UBR1: variants seen among roughly 807,000 people sequenced by gnomAD.
The protein encoded by UBR1 is ubiquitin protein ligase E3 component n-recognin 1, also known as E3 ubiquitin-protein ligase UBR1.
In UBR1, 102 loss-of-function variants were observed where a neutral mutation model predicts 242.1. The ratio of observed to expected loss-of-function variants is 0.42; its 90% CI spans 0.36 to 0.50. UBR1 has a LOEUF of 0.50. Among genes scored for constraint, UBR1 ranks in the 20% least tolerant of loss-of-function variants. UBR1 has a pLI of 0.01. For missense variants in UBR1, 1,772 were observed against 2,101.8 expected (o/e 0.84, Z 3.07); for synonymous variants, 675 against 684.8 (o/e 0.99, Z 0.22).
intron 30 of UBR1, among the ~76,000 whole-genome samples, chr15:43,006,670 G>T (rs2032835772): frequency 6.6e-6 from 1 of 152,190 alleles, no homozygotes; most frequent in Non-Finnish European, 1.5e-5. Context: ...CCAAGAAAAT[G>T]TTTAACATGA....
chr15:43,015,811 T>C lies in UBR1; in HGVS notation c.3086A>G (p.His1029Arg). Residue 1029 changes from histidine (H) to arginine (R), a missense_variant, in exon 29 of 47, where the codon CAT becomes CGT. Physicochemically the swap from His to Arg is conservative, Grantham distance 29 (BLOSUM62 0). Transcript: ENST00000290650. ...CATCTGAGCCATGATCTTCTGGCGA[T>C]GTAGCCTAGCAGCTTCAGCTTTTCT... The part of the protein sequence containing the change: ...RKRKAEAARL[H>R]RQKIMAQMSA... 4 of 1,614,242 alleles carry C rather than the reference T, an allele frequency of 2.5e-6. No homozygotes were observed. The highest frequency in any genetic ancestry group is 3.4e-6 in the Non-Finnish European group (4 of 1,180,042).
intron 14 of UBR1, among the ~76,000 whole-genome samples, chr15:43,044,136 A>G (rs1263259682): frequency 6.6e-6 from 1 of 152,248 alleles, no homozygotes; most frequent in Non-Finnish European, 1.5e-5. Context: ...AGATAAAATG[A>G]AAGAATTTAC....
chr15:42,960,756 A>C (rs1319145666), intron 42 of UBR1, 55 bp from the exon 43 acceptor site: 2 of 1,546,712 alleles, frequency 1.3e-6, no homozygotes, highest in Non-Finnish European at 1.8e-6. Flanking sequence ...TCAATGCATG[A>C]TTTGTCAACA....
In UBR1 at chr15:42,976,630, A is replaced by T. The variant is rs529392058; in HGVS notation, c.4369+87T>A. 201 of 1,489,036 alleles carry T rather than the reference A, an allele frequency of 1.3e-4. No individual in the cohort carries two copies. In the East Asian group the frequency reaches 3.9e-3, roughly 29 times the overall value. The allele number at this position is 1,489,036 out of a possible 1,614,324, so 92.2% of individuals were successfully genotyped here. On this transcript the variant is annotated intron_variant, in intron 39 of 46. Transcript: ENST00000290650. ...AAAACATAACACAGAACCTAGAAAT[A>T]CATTATATAATCACAAGAATAATTA...
chr15:43,014,281 T>C (rs888741139), intron 29 of UBR1, among the ~76,000 whole-genome samples: 12 of 152,246 alleles, frequency 7.9e-5, no homozygotes, highest in Non-Finnish European at 1.5e-4. Context: ...GTGCCGAGAT[T>C]GCAGCCTCTG....
At chr15:42,950,222 A>G in intron 46 of UBR1, 40 bp downstream of exon 46, 1 of 1,484,526 alleles carries the variant, frequency 6.7e-7, no homozygotes, top group Non-Finnish European at 9.4e-7. Context: ...CATAAAAGAG[A>G]ACTTACTGAA....
At chr15:42,967,219 GTTTTTTTTTTTTT>G (rs55879443) in intron 40 of UBR1, among the ~76,000 whole-genome samples, 9 of 113,216 alleles carry the variant, frequency 7.9e-5, no homozygotes, top group Non-Finnish European at 1.6e-4. Context: ...TGCTCAACTA[GTTTTTTTTTTTTT>G]TTTTTTTTTA....
chr15:43,035,243 A>G (rs191974910), intron 19 of UBR1, among the ~76,000 whole-genome samples: 74 of 149,636 alleles, frequency 4.9e-4, no homozygotes, highest in African/African-American at 1.6e-3. Flanking sequence ...TAAAACTTTA[A>G]AAGTGATCAT....
At chr15:43,090,973 CTT>C (rs2034098899) in intron 1 of UBR1, among the ~76,000 whole-genome samples, 1 of 151,966 alleles carries the variant, frequency 6.6e-6, no homozygotes, top group Admixed American at 6.6e-5. Context: ...GAGTTTTGCT[CTT>C]CTTGCCCAGG....
At chr15:43,093,112 C>G (rs777579383) in intron 1 of UBR1, among the ~76,000 whole-genome samples, 10 of 152,150 alleles carry the variant, frequency 6.6e-5, no homozygotes, top group Admixed American at 1.3e-4. Context: ...AAGTTCTTAA[C>G]AAGTTCTCAA....
Position 43,007,086 on chromosome 15 carries a change from G to A in UBR1, c.3408C>T (p.Leu1136=). ...LTQHRGKPIE[L]SGEALDPLFM... is the part of the protein sequence containing the mutation. ...TTATTAAATAATACATACCTCCTGA[G>A]AGTTCTATGGGTTTTCCCCTGTGCT... The change falls in exon 30 of 47, where the codon CTC becomes CTT. Residue 1136 remains leucine (L), a synonymous_variant. Transcript: ENST00000290650. 6.2e-7 allele frequency: 1 copy of A among 1,614,024 alleles called. No homozygotes were observed. Among genetic ancestry groups the A allele is most frequent in the Non-Finnish European group, 8.5e-7 (1 of 1,179,958 alleles).
chr15:42,980,324 A>G (rs112131867), intron 37 of UBR1, among the ~76,000 whole-genome samples: 1 of 152,196 alleles, frequency 6.6e-6, no homozygotes, highest in African/African-American at 2.4e-5. Context: ...CCAACCCTTT[A>G]TGCACAATTA....
At chr15:42,988,691 C>T (rs756658689) in intron 35 of UBR1, 128 bp downstream of exon 35, 66 of 1,298,134 alleles carry the variant, frequency 5.1e-5, no homozygotes, top group Admixed American at 8.5e-5. Context: ...CACTAATACA[C>T]TGAAATACTA....
chr15:42,967,413 C>CTT (rs745399720), intron 40 of UBR1, among the ~76,000 whole-genome samples: 1 of 136,046 alleles, frequency 7.4e-6, no homozygotes, highest in Non-Finnish European at 1.6e-5. Context: ...CTAAAGCTTC[C>CTT]TTTTTTTTTT....
At position 43,054,844 on chromosome 15, in the gene UBR1, A is replaced by C. The variant is rs925511677; in HGVS notation, c.1337T>G (p.Leu446Arg). The C allele has an allele frequency of 5.0e-6, 8 of 1,614,068 alleles. No homozygotes were observed. Among genetic ancestry groups the C allele is most frequent in the Non-Finnish European group, 6.8e-6 (8 of 1,180,028 alleles). ...NVISVITETL[L>R]EVLPEYLDRN... is the part of the protein sequence containing the mutation. Reference sequence around the variant, plus strand: ...GTCCAAGTACTCAGGTAAAACTTCTAGCAGAGTTTCAGTAATGACAGAGAT... The same window carrying C: ...GTCCAAGTACTCAGGTAAAACTTCTCGCAGAGTTTCAGTAATGACAGAGAT... The change falls in exon 12 of 47, where the codon CTA (leucine) becomes CGA (arginine). Residue 446 changes from leucine (L) to arginine (R), a missense_variant. Coordinates refer to ENST00000290650, the MANE Select transcript of UBR1 (RefSeq NM_174916.3).
intron 1 of UBR1, among the ~76,000 whole-genome samples, chr15:43,099,332 C>A (rs201535285): frequency 1.5e-4 from 23 of 150,500 alleles, no homozygotes; most frequent in East Asian, 1.4e-3. Context: ...TCCAAAAAAA[C>A]AAAAAAAAAA....
At chr15:43,076,705 C>A (rs1317951450) in intron 3 of UBR1, among the ~76,000 whole-genome samples, 4 of 146,000 alleles carry the variant, frequency 2.7e-5, no homozygotes, top group East Asian at 2.1e-4. Flanking sequence ...CCCCTCCGTC[C>A]GGCAGCCACC....
chr15:43,041,695 T>C (rs2033420321), intron 15 of UBR1, among the ~76,000 whole-genome samples: 1 of 152,050 alleles, frequency 6.6e-6, no homozygotes, highest in African/African-American at 2.4e-5. Flanking sequence ...AATTCAACTA[T>C]AACAAAAACT....
chr15:43,017,314 G>T, intron 27 of UBR1, 133 bp from the exon 28 acceptor site: 3 of 663,216 alleles, frequency 4.5e-6, no homozygotes, highest in Admixed American at 2.3e-5. Context: ...AATATATGAA[G>T]AAAAAAAGTG....
Sources: gnomAD v4.1 joint callset for allele counts (sites outside exome capture counted in the v4.1 genomes callset) on GRCh38, gnomAD v4.1.1 for gene constraint, MANE v1.5 for transcripts, NCBI Gene and HGNC (gene_info 2026-07-23, HGNC 2026-07-21) for gene names.